Variants in CADM2 observed in about 807,000 individuals in gnomAD.
CADM2 encodes immunoglobulin superfamily member 4D.
A neutral mutation model predicts 49.8 loss-of-function variants in CADM2; 12 were observed. The ratio of observed to expected loss-of-function variants is 0.24; its 90% CI spans 0.15 to 0.39. The LOEUF (loss-of-function observed/expected upper bound fraction) is 0.39, where lower values mean the gene tolerates loss of function less well. Ranked by LOEUF, CADM2 falls within the 10% of genes least tolerant of loss-of-function variation. CADM2 has a pLI of 1.00. For synonymous variants in CADM2, 214 were observed against 175.4 expected (o/e 1.22, Z -1.74); for missense variants, 378 against 492.3 (o/e 0.77, Z 2.20).
At chr3:85,312,181 T>C (rs981841870) in intron 1 of CADM2, among the ~76,000 whole-genome samples, 1 of 152,168 alleles carries the variant, frequency 6.6e-6, no homozygotes, top group Non-Finnish European at 1.5e-5. Flanking sequence ...CTCTTCATTG[T>C]TAAAATACCA....
chr3:85,786,025 A>G (rs150294989), intron 2 of CADM2, among the ~76,000 whole-genome samples: 60 of 152,190 alleles, frequency 3.9e-4, no homozygotes, highest in Non-Finnish European at 7.7e-4. Flanking sequence ...GGAAAGGTCA[A>G]TGATTCGTTA....
At chr3:84,974,505 A>T (rs1470495745) in intron 1 of CADM2, among the ~76,000 whole-genome samples, 4 of 150,042 alleles carry the variant, frequency 2.7e-5, no homozygotes, top group Non-Finnish European at 4.4e-5. Flanking sequence ...CCTAAGTCAG[A>T]GATGCATACA....
At chr3:85,781,858 A>G (rs2070667712) in intron 2 of CADM2, among the ~76,000 whole-genome samples, 1 of 152,264 alleles carries the variant, frequency 6.6e-6, no homozygotes, top group African/African-American at 2.4e-5. Flanking sequence ...AATACAAGAA[A>G]GAAAAACTGT....
chr3:85,873,761 T>C (rs1216882147), intron 3 of CADM2, among the ~76,000 whole-genome samples: 1 of 152,200 alleles, frequency 6.6e-6, no homozygotes, highest in Non-Finnish European at 1.5e-5. Context: ...TTATTACTCA[T>C]CACTTTCACA....
chr3:85,826,704 G>C (rs1216258387), intron 3 of CADM2, among the ~76,000 whole-genome samples: 1 of 151,854 alleles, frequency 6.6e-6, no homozygotes, highest in Non-Finnish European at 1.5e-5. Flanking sequence ...AACCATATTG[G>C]TTCATTGATT....
At chr3:85,840,552 T>C (rs975512656) in intron 3 of CADM2, among the ~76,000 whole-genome samples, 1 of 151,914 alleles carries the variant, frequency 6.6e-6, no homozygotes, top group Admixed American at 6.6e-5. Context: ...AGGATTCTAA[T>C]TGATCCCTCA....
chr3:85,771,960 G>A (rs1465221377), intron 2 of CADM2, among the ~76,000 whole-genome samples: 1 of 149,952 alleles, frequency 6.7e-6, no homozygotes, highest in African/African-American at 2.5e-5. Context: ...GATAGTAAAT[G>A]CACTGAACTT....
chr3:85,914,201 A>C (rs1717988038), intron 6 of CADM2, among the ~76,000 whole-genome samples: 1 of 152,144 alleles, frequency 6.6e-6, no homozygotes, highest in South Asian at 2.1e-4. Context: ...TTCAGAAAGA[A>C]GCATACTTCA....
intron 5 of CADM2, among the ~76,000 whole-genome samples, chr3:85,897,239 A>ATTTTTTTTTTTTTTT (rs1559728598): frequency 1.2e-5 from 1 of 82,240 alleles, no homozygotes; most frequent in African/African-American, 4.8e-5. Flanking sequence ...TTTAACCTAC[A>ATTTTTTTTTTTTTTT]TCTTTTTTTT....
intron 1 of CADM2, among the ~76,000 whole-genome samples, chr3:84,979,315 C>T (rs1035006134): frequency 6.6e-5 from 10 of 152,034 alleles, no homozygotes; most frequent in Admixed American, 2.0e-4. Flanking sequence ...ATGGAGGAAA[C>T]GTGTATATTT....
chr3:85,347,799 A>T (rs534523614), intron 1 of CADM2, among the ~76,000 whole-genome samples: 28 of 149,224 alleles, frequency 1.9e-4, no homozygotes, highest in African/African-American at 6.4e-4. Context: ...GAGCCATCAC[A>T]TCCGCCAGTT....
At chr3:85,798,108 CGTTT>C (rs755599618) in intron 2 of CADM2, among the ~76,000 whole-genome samples, 54 of 151,258 alleles carry the variant, frequency 3.6e-4, no homozygotes, top group Middle Eastern at 3.4e-3. Flanking sequence ...TTGATGGGGT[CGTTT>C]GTTTGTTTGT....
intron 1 of CADM2, among the ~76,000 whole-genome samples, chr3:85,197,323 A>AG (rs1266540263): frequency 6.6e-6 from 1 of 151,944 alleles, no homozygotes; most frequent in Non-Finnish European, 1.5e-5. Flanking sequence ...TAACAGGGTA[A>AG]CCTCACTACA....
Position 85,856,387 on chromosome 3 carries a change from C to G in CADM2, c.239-26904C>G, listed in dbSNP as rs570227281. ...TACTCTGTACTTTTTCATAACGGAT[C>G]TATTGGATTTTGGCCAGTTTCTCTA... On this transcript the variant is annotated intron_variant, in intron 3 of 9. Transcript: ENST00000383699. 2.0e-5 allele frequency among the ~76,000 whole-genome samples: 3 copies of G among 152,272 alleles called. No individual in the cohort carries two copies. The South Asian group carries it at 6.2e-4, about 32-fold the overall frequency.
At chr3:85,394,666 A>G (rs988668921) in intron 1 of CADM2, among the ~76,000 whole-genome samples, 1 of 152,188 alleles carries the variant, frequency 6.6e-6, no homozygotes, top group Non-Finnish European at 1.5e-5. Flanking sequence ...TAGCCAGTTC[A>G]CATTTTTGTA....
chr3:85,206,101 G>C (rs984363112), intron 1 of CADM2, among the ~76,000 whole-genome samples: 1 of 151,934 alleles, frequency 6.6e-6, no homozygotes, highest in African/African-American at 2.4e-5. Context: ...CTGTTTTTCA[G>C]TTCTGGCATT....
intron 1 of CADM2, among the ~76,000 whole-genome samples, chr3:85,563,281 G>A (rs1252494253): frequency 6.6e-6 from 1 of 151,978 alleles, no homozygotes; most frequent in African/African-American, 2.4e-5. Context: ...TTCAGAAATT[G>A]AATGAGTGGA....
chr3:85,355,742 A>G (rs927489852), intron 1 of CADM2, among the ~76,000 whole-genome samples: 3 of 152,120 alleles, frequency 2.0e-5, no homozygotes, highest in Non-Finnish European at 4.4e-5. Flanking sequence ...ATATTTTAGC[A>G]AGTGGCAATA....
At chr3:85,569,021 C>T (rs2062400217) in intron 1 of CADM2, among the ~76,000 whole-genome samples, 3 of 152,086 alleles carry the variant, frequency 2.0e-5, no homozygotes, top group Admixed American at 6.5e-5. Flanking sequence ...TAACATCTTG[C>T]AAAACTGTGC....
Sources: gnomAD v4.1 joint callset for allele counts (sites outside exome capture counted in the v4.1 genomes callset) on GRCh38, gnomAD v4.1.1 for gene constraint, MANE v1.5 for transcripts, NCBI Gene and HGNC (gene_info 2026-07-23, HGNC 2026-07-21) for gene names.